PDK3: variants seen among roughly 807,000 people sequenced by gnomAD.
The protein encoded by PDK3 is pyruvate dehydrogenase kinase 3.
A neutral mutation model predicts 32.0 loss-of-function variants in PDK3; 12 were observed. The ratio of observed to expected loss-of-function variants is 0.37; its 90% CI spans 0.24 to 0.61. PDK3 has a LOEUF of 0.61. Ranked by LOEUF, PDK3 falls within the 20% of genes least tolerant of loss-of-function variation. The pLI is 0.65. For synonymous variants in PDK3, 122 were observed against 116.3 expected (o/e 1.05, Z -0.31); for missense variants, 188 against 316.9 (o/e 0.59, Z 3.09).
intron 3 of PDK3, among the ~76,000 whole-genome samples, chrX:24,502,880 A>T (rs1202211096): frequency 8.9e-6 from 1 of 111,870 alleles, no homozygotes; most frequent in Non-Finnish European, 1.9e-5. Context: ...ACAGTGTGAC[A>T]TTATTTCTTT....
chrX:24,506,801 CTTTTTT>C (rs10682263), intron 5 of PDK3, among the ~76,000 whole-genome samples: 16 of 49,504 alleles, frequency 3.2e-4, no homozygotes, highest in African/African-American at 5.2e-4. Context: ...TTTTTTCTTT[CTTTTTT>C]TTTTTTTTTT....
intron 1 of PDK3, among the ~76,000 whole-genome samples, chrX:24,473,851 T>C (rs1602100013): frequency 8.9e-6 from 1 of 112,110 alleles, no homozygotes; most frequent in East Asian, 2.8e-4. Context: ...AATGTTATGG[T>C]GGCTCCTTGT....
At chrX:24,528,284 T>C in intron 9 of PDK3, 98 bp downstream of exon 9, 1 of 484,888 alleles carries the variant, frequency 2.1e-6, no homozygotes, top group Non-Finnish European at 3.6e-6. Flanking sequence ...TTAGTGTAGT[T>C]GATTTAGAAG....
chrX:24,541,995 A>G (rs1437614446), exon 12 of PDK3, among the ~76,000 whole-genome samples: 2 of 112,437 alleles, frequency 1.8e-5, no homozygotes, highest in African/African-American at 6.5e-5. Flanking sequence ...TAATATTCAT[A>G]AATAGTAGGT....
intron 5 of PDK3, among the ~76,000 whole-genome samples, chrX:24,508,959 C>T (rs1046000892): frequency 2.7e-5 from 3 of 111,500 alleles, no homozygotes; most frequent in African/African-American, 6.5e-5. Flanking sequence ...TCAGGTGATC[C>T]GCCCGCCTTG....
rs1922723458 is a variant in PDK3, at chrX:24,534,244, C to T, written c.*172C>T. ...TAAGTTTGCAGTTTGTCCTCATAAA[C>T]GTTGTAGGTTGAAACTGAAAAATAA... On this transcript the variant is annotated 3_prime_UTR_variant, in exon 11 of 11. Transcript: ENST00000379162. 1.0e-6 allele frequency: 1 copy of T among 956,624 alleles called. No individual in the cohort carries two copies. The allele number at this position is 956,624 out of a possible 1,213,427, so 78.8% of individuals were successfully genotyped here. A position where few individuals can be genotyped will look rare whatever the true frequency, so the allele number is the denominator to read the frequency against.
intron 1 of PDK3, among the ~76,000 whole-genome samples, chrX:24,487,514 A>T (rs1416865306): frequency 8.9e-6 from 1 of 112,125 alleles, no homozygotes; most frequent in South Asian, 3.7e-4. Context: ...AATTTTTTTT[A>T]AAAAGCTTAA....
chrX:24,477,486 C>T (rs918621258), intron 1 of PDK3, among the ~76,000 whole-genome samples: 1 of 111,569 alleles, frequency 9.0e-6, no homozygotes, highest in East Asian at 2.8e-4. Flanking sequence ...TGCTATATTA[C>T]CTGTAATATG....
intron 5 of PDK3, among the ~76,000 whole-genome samples, chrX:24,505,654 C>T (rs1171997190): frequency 2.7e-5 from 3 of 111,913 alleles, no homozygotes; most frequent in Admixed American, 1.9e-4. Context: ...GTTGAATTCA[C>T]GTGTCTATAA....
At chrX:24,521,786 C>A (rs1450135566) in intron 6 of PDK3, among the ~76,000 whole-genome samples, 1 of 111,881 alleles carries the variant, frequency 8.9e-6, no homozygotes, top group South Asian at 3.7e-4. Flanking sequence ...CATTGTCTCA[C>A]GAATTACAGA....
At chrX:24,490,915 G>C (rs1172750893) in intron 1 of PDK3, among the ~76,000 whole-genome samples, 1 of 110,508 alleles carries the variant, frequency 9.0e-6, no homozygotes, top group Non-Finnish European at 1.9e-5. Context: ...TCATAATTGT[G>C]AAAAAATTAT....
chrX:24,532,669 C>T (rs1215824463), intron 10 of PDK3, among the ~76,000 whole-genome samples: 8 of 111,910 alleles, frequency 7.1e-5, no homozygotes, highest in Admixed American at 4.7e-4. Context: ...TTCTGTTCAG[C>T]GAAGATCACC....
rs187018921 is a variant in PDK3 at position 24,507,086 on chromosome X, G to A, written c.595+1788G>A. ...GGCCTCCCAAAGTGCTGGGATTACA[G>A]GCGTGAGCTACCACACCTGGCCTGT... On this transcript the variant is annotated intron_variant, in intron 5 of 10. Transcript: ENST00000379162. Among the ~76,000 whole-genome samples the A allele has an allele frequency of 4.5e-5, 5 of 111,111 alleles. No homozygotes were observed. The East Asian group carries it at 1.1e-3, about 25-fold the overall frequency.
intron 1 of PDK3, among the ~76,000 whole-genome samples, chrX:24,492,598 GC>G (rs1203110552): frequency 9.1e-6 from 1 of 109,565 alleles, no homozygotes; most frequent in Non-Finnish European, 1.9e-5. Context: ...AAACAAAAAA[GC>G]CCTTAATAAT....
chrX:24,546,666 C>A (rs1923002366), exon 12 of PDK3: 2 of 111,774 alleles, frequency 1.8e-5, no homozygotes, highest in African/African-American at 6.5e-5. Flanking sequence ...ACAGGTGGCT[C>A]CTCATGACAG....
intron 5 of PDK3, among the ~76,000 whole-genome samples, chrX:24,510,721 G>A (rs755789719): frequency 8.9e-6 from 1 of 112,053 alleles, no homozygotes; most frequent in Non-Finnish European, 1.9e-5. Context: ...AGTTCTTCCT[G>A]TGTCTAATCT....
chrX:24,517,725 G>A (rs1406522690), intron 5 of PDK3, among the ~76,000 whole-genome samples: 2 of 112,160 alleles, frequency 1.8e-5, no homozygotes, highest in Non-Finnish European at 3.8e-5. Flanking sequence ...TCTGTCTTCC[G>A]GCTGTTTCTG....
intron 6 of PDK3, among the ~76,000 whole-genome samples, chrX:24,523,748 C>T (rs1051247136): frequency 1.8e-5 from 2 of 111,482 alleles, no homozygotes; most frequent in African/African-American, 6.5e-5. Flanking sequence ...CATTTGGGGG[C>T]CTCTCTGCTC....
At chrX:24,502,661 T>C (rs1352420273) in intron 3 of PDK3, among the ~76,000 whole-genome samples, 1 of 111,316 alleles carries the variant, frequency 9.0e-6, no homozygotes, top group African/African-American at 3.3e-5. Flanking sequence ...CTGGCCAATA[T>C]GGTGAAATCC....
Sources: allele counts gnomAD v4.1 joint callset (sites outside exome capture counted in the v4.1 genomes callset), GRCh38; gene constraint gnomAD v4.1.1; transcripts MANE v1.5; gene names NCBI Gene and HGNC (gene_info 2026-07-23, HGNC 2026-07-21).